The following FAM149A variants were observed in gnomAD, a reference collection of about 807,000 sequenced individuals.
FAM149A encodes family with sequence similarity 149 member A, also known as protein FAM149A.
A neutral mutation model predicts 78.2 loss-of-function variants in FAM149A; 71 were observed. The ratio of observed to expected loss-of-function variants is 0.91; its 90% CI spans 0.75 to 1.11. FAM149A has a LOEUF of 1.11. Among genes scored for constraint, FAM149A ranks in the 50% least tolerant of loss-of-function variants. The pLI is 0.00. For missense variants in FAM149A, 1,036 were observed against 971.0 expected, an observed-to-expected ratio of 1.07 and a Z score of -0.89; for synonymous variants, 446 against 410.5, an observed-to-expected ratio of 1.09 and a Z score of -1.04.
chr4:186,145,822 A>G lies in FAM149A; in HGVS notation c.567-3351A>G, dbSNP rs764330296. ...CATGCCACCATATTCAAGTTTTAAA[A>G]TACCTGTGGGATGCATCCTGTAAGT... On this transcript the variant is annotated intron_variant, in intron 1 of 13. Coordinates refer to ENST00000389354, the MANE Select transcript of FAM149A (RefSeq NM_001367768.3). Among the ~76,000 whole-genome samples, 107 of 152,320 alleles carry G rather than the reference A, an allele frequency of 7.0e-4. 1 individual carries two copies. Among genetic ancestry groups the G allele is most frequent in the Middle Eastern group, 3.4e-3 (1 of 294 alleles).
chr4:186,116,767 A>G (rs1157887928), intron 1 of FAM149A: 2 of 981,970 alleles, frequency 2.0e-6, no homozygotes, highest in African/African-American at 3.5e-5. Context: ...TATTTGAGTT[A>G]GCAGTTATAT....
In FAM149A at chr4:186,136,976, TTCTCTCTCTCTCTCTC is replaced by T. The variant is rs70964917; in HGVS notation, c.567-12169_567-12154del. Among the ~76,000 whole-genome samples the T allele has an allele frequency of 7.6e-3, 547 of 72,052 alleles. 6 individuals are homozygous for T. Among genetic ancestry groups the T allele is most frequent in the African/African-American group, 0.022 (364 of 16,274 alleles). The allele number at this position is 72,052 out of a possible 152,430, so 47.3% of individuals were successfully genotyped here. A position where few individuals can be genotyped will look rare whatever the true frequency, so the allele number is the denominator to read the frequency against. ...TCTCTCTCTCTCTTTCTCTCTCTCT[TTCTCTCTCTCTCTCTC>T]TCTCTCTCTCTCTCTCTCTCTCTCT... On this transcript the variant is annotated intron_variant, in intron 1 of 13. Coordinates refer to ENST00000389354, the MANE Select transcript of FAM149A (RefSeq NM_001367768.3).
intron 1 of FAM149A, chr4:186,146,538 G>A (rs1271689670): frequency 1.0e-6 from 1 of 973,208 alleles, no homozygotes; most frequent in African/African-American, 1.8e-5. Flanking sequence ...CCTTTCCCCT[G>A]AAAAAGAGTG....
At chr4:186,146,090 G>T (rs1233205494) in intron 1 of FAM149A, among the ~76,000 whole-genome samples, 1 of 152,176 alleles carries the variant, frequency 6.6e-6, no homozygotes, top group East Asian at 1.9e-4. Flanking sequence ...AGACAGGCAG[G>T]TCAGTGGCCT....
chr4:186,130,211 G>T (rs10014489), intron 1 of FAM149A: 8 of 147,150 alleles, frequency 5.4e-5, no homozygotes, highest in Non-Finnish European at 8.9e-5. Flanking sequence ...ACTTGTAAAC[G>T]GTGCAAAACC....
At chr4:186,118,990 C>T (rs183119418) in intron 1 of FAM149A, among the ~76,000 whole-genome samples, 2 of 152,140 alleles carry the variant, frequency 1.3e-5, no homozygotes, top group African/African-American at 4.8e-5. Context: ...TGAGGAGGGC[C>T]AAAGGTAAGT....
In FAM149A at chr4:186,163,483, A is replaced by G; in HGVS notation, c.1739A>G (p.His580Arg). 6.2e-7 allele frequency: 1 copy of G among 1,614,142 alleles called. No homozygotes were observed. Among genetic ancestry groups the G allele is most frequent in the East Asian group, 2.2e-5 (1 of 44,874 alleles). Residue 580 changes from histidine to arginine, a missense_variant, in exon 10 of 14, where the codon CAC becomes CGC. By Grantham distance (29) the His-to-Arg change is conservative. This residue lies in a region of FAM149A where 716 missense variants were observed against 711.8 expected (regional missense o/e 1.01). Transcript: ENST00000389354. ...GCAGGTGCTCTCTCCTCCGCACCGC[A>G]CAGACTGGGACGGGCCTCAGACACT...
intron 1 of FAM149A, chr4:186,118,180 A>G (rs1190304662): frequency 6.1e-6 from 6 of 985,324 alleles, no homozygotes; most frequent in South Asian, 4.7e-5. Context: ...CACAAACTAT[A>G]CAACAGATGA....
chr4:186,144,436 G>A lies in FAM149A; in HGVS notation c.567-4737G>A, dbSNP rs1561400211. The A allele has an allele frequency of 6.6e-6, 1 of 152,426 alleles. No homozygotes were observed. Among genetic ancestry groups the A allele is most frequent in the Non-Finnish European group, 1.5e-5 (1 of 68,216 alleles). The allele number at this position is 152,426 out of a possible 1,614,324, so 9.4% of individuals were successfully genotyped here. On this transcript the variant is annotated intron_variant, in intron 1 of 13. Coordinates refer to ENST00000389354, the MANE Select transcript of FAM149A (RefSeq NM_001367768.3). The surrounding 1 kb of genome is among the most constrained non-coding windows in gnomAD (Gnocchi z 4.2). ...GGTTCTCGCATTGACCAGATCCGGG[G>A]CTTCATTTTTTAAACCTCATTCGTC... is the stretch of plus-strand genomic sequence containing the variant.
rs562285404 is a variant in FAM149A, at chr4:186,130,741, A to T, written c.567-18432A>T. Among the ~76,000 whole-genome samples the T allele has an allele frequency of 1.2e-3, 176 of 152,246 alleles. 2 individuals are homozygous for T. The South Asian group carries it at 0.036, about 31-fold the overall frequency. On this transcript the variant is annotated intron_variant, in intron 1 of 13. Coordinates refer to ENST00000389354, the MANE Select transcript of FAM149A (RefSeq NM_001367768.3). ...TTAGAAAGATTCAAACAATACAGTAATTCCTCTCATAGATATGAGATGGAT... is the reference window on the plus strand; with the variant it reads ...TTAGAAAGATTCAAACAATACAGTATTTCCTCTCATAGATATGAGATGGAT...
chr4:186,111,865 C>A (rs1156905437), intron 1 of FAM149A, among the ~76,000 whole-genome samples: 57 of 151,098 alleles, frequency 3.8e-4, no homozygotes, highest in African/African-American at 1.3e-3. Context: ...CTTAGGATTG[C>A]CTTGGCGATG....
intron 10 of FAM149A, 93 bp from the exon 11 acceptor site, chr4:186,165,251 A>G: frequency 7.0e-7 from 1 of 1,433,476 alleles, no homozygotes; most frequent in South Asian, 1.2e-5. Context: ...CCCCTCACGC[A>G]GAAACATTGA....
intron 1 of FAM149A, among the ~76,000 whole-genome samples, chr4:186,134,231 C>T (rs1266263921): frequency 6.6e-6 from 1 of 152,132 alleles, no homozygotes; most frequent in Non-Finnish European, 1.5e-5. Flanking sequence ...CAGACAGCAT[C>T]GTGCGATGCT....
chr4:186,109,546 A>G (rs1011289664), intron 1 of FAM149A: 3 of 985,300 alleles, frequency 3.0e-6, no homozygotes, highest in Non-Finnish European at 3.6e-6. Flanking sequence ...TGGGCAGGTC[A>G]TTCATTTCTT....
At chr4:186,120,762 C>T (rs558203985) in intron 1 of FAM149A, among the ~76,000 whole-genome samples, 1 of 137,278 alleles carries the variant, frequency 7.3e-6, no homozygotes, top group Admixed American at 7.7e-5. Context: ...CCACTGCACT[C>T]CAGCCTGGGC....
At chr4:186,136,290 A>G (rs2099322663) in intron 1 of FAM149A, among the ~76,000 whole-genome samples, 1 of 152,204 alleles carries the variant, frequency 6.6e-6, no homozygotes, top group African/African-American at 2.4e-5. Context: ...TTTTTAGATT[A>G]TTCTTTTTTC....
intron 13 of FAM149A, chr4:186,170,819 T>C (rs1735464364): frequency 6.6e-6 from 1 of 152,294 alleles, no homozygotes; most frequent in Non-Finnish European, 1.5e-5. Flanking sequence ...GAGGGACCTG[T>C]GTTCCTTGAT....
intron 1 of FAM149A, among the ~76,000 whole-genome samples, chr4:186,113,231 A>G (rs1485335831): frequency 4.8e-5 from 1 of 21,034 alleles, no homozygotes; most frequent in Non-Finnish European, 1.1e-4. Context: ...TTTCTGTGGG[A>G]TCAGTGGTGA....
intron 6 of FAM149A, chr4:186,154,896 G>T: frequency 2.0e-6 from 2 of 985,224 alleles, no homozygotes; most frequent in Non-Finnish European, 2.4e-6. Context: ...GGGGCTCCAG[G>T]TTCCCCAGCC....
Sources: gnomAD v4.1 joint callset for allele counts (sites outside exome capture counted in the v4.1 genomes callset) on GRCh38, gnomAD v4.1.1 for gene constraint, gnomAD v4.1.1 regional missense constraint, Gnocchi (gnomAD v3.1) non-coding constraint, MANE v1.5 for transcripts, NCBI Gene and HGNC (gene_info 2026-07-23, HGNC 2026-07-21) for gene names.